Variants in HAT1 observed in about 807,000 individuals in gnomAD.
HAT1 encodes the protein histone acetyltransferase type B catalytic subunit.
Under a neutral mutation model 56.6 loss-of-function variants are expected in HAT1, and 20 were observed. The observed-to-expected ratio is 0.35, with a 90% CI of 0.25 to 0.51. The LOEUF (loss-of-function observed/expected upper bound fraction) is 0.51, where lower values mean the gene tolerates loss of function less well. Ranked by LOEUF, HAT1 falls within the 20% of genes least tolerant of loss-of-function variation. The pLI is 0.95. For synonymous variants in HAT1, 146 were observed against 165.5 expected, an observed-to-expected ratio of 0.88 and a Z score of 0.91; for missense variants, 408 against 504.3, an observed-to-expected ratio of 0.81 and a Z score of 1.83.
Position 171,983,684 on chromosome 2 carries a change from T to C in HAT1, c.*332T>C, listed in dbSNP as rs1433720006. 5.8e-6 allele frequency: 1 copy of C among 171,170 alleles called. No individual in the cohort carries two copies. The highest frequency in any genetic ancestry group is 1.2e-5 in the Non-Finnish European group (1 of 80,746). 10.6% of individuals were successfully genotyped at this position (171,170 alleles called of 1,614,324 possible). A position where few individuals can be genotyped will look rare whatever the true frequency, so the allele number is the denominator to read the frequency against. On this transcript the variant is annotated 3_prime_UTR_variant, in exon 11 of 11. Transcript: ENST00000264108. ...TACAATAAACCTCATTCTTAAATAC[T>C]TATCATTCCTTCCACACTTTGCTTC...
intron 1 of HAT1, chr2:171,924,411 G>C (rs940775066): frequency 6.6e-6 from 1 of 152,068 alleles, no homozygotes; most frequent in Non-Finnish European, 1.5e-5. Flanking sequence ...TGGCCAGGAT[G>C]ATATCCGTCT....
At chr2:171,965,542 T>G (rs1485287959) in intron 5 of HAT1, 25 bp downstream of exon 5, 3 of 1,390,208 alleles carry the variant, frequency 2.2e-6, no homozygotes, top group Admixed American at 4.2e-5. Flanking sequence ...AAATATTTAT[T>G]GAGTAAAGTT....
chr2:171,930,316 T>G (rs1686708881), intron 2 of HAT1, among the ~76,000 whole-genome samples: 1 of 152,128 alleles, frequency 6.6e-6, no homozygotes, highest in Non-Finnish European at 1.5e-5. Context: ...GGACTCCGCA[T>G]ACACCACCAT....
intron 9 of HAT1, among the ~76,000 whole-genome samples, chr2:171,977,916 C>G (rs1177520223): frequency 1.3e-5 from 2 of 152,028 alleles, no homozygotes; most frequent in Non-Finnish European, 2.9e-5. Context: ...CCTATCCATA[C>G]CCCAACTCCC....
intron 2 of HAT1, among the ~76,000 whole-genome samples, chr2:171,939,249 A>C (rs138748188): frequency 0.019 from 2,857 of 152,290 alleles, 58 homozygotes; most frequent in Admixed American, 0.068. Context: ...AAGTAAGAGG[A>C]CCCTGTGAGC....
chr2:171,971,723 A>C (rs1310269472), intron 8 of HAT1, among the ~76,000 whole-genome samples: 1 of 152,200 alleles, frequency 6.6e-6, no homozygotes, highest in Non-Finnish European at 1.5e-5. Flanking sequence ...ATTTATTTTT[A>C]AAACGATAAT....
rs143773497 is a variant in HAT1 at position 171,951,724 on chromosome 2, G to A, written c.189-1157G>A. ...GCTGGGATTACTGGTGTGAGCCACC[G>A]TGCCCAGACCAGTTAGTGCTTCTTA... On this transcript the variant is annotated intron_variant, in intron 3 of 10. Coordinates refer to ENST00000264108, the MANE Select transcript of HAT1 (RefSeq NM_003642.4). Among the ~76,000 whole-genome samples the A allele has an allele frequency of 4.6e-3, 695 of 151,706 alleles. 6 individuals are homozygous for A. The highest frequency in any genetic ancestry group is 0.016 in the African/African-American group (641 of 41,316).
In HAT1 at chr2:171,968,481, G is replaced by A. The variant is rs548307410; in HGVS notation, c.823+1532G>A. ...GTCTACTCCAACCAATAAAGTCCTT[G>A]ATACTTAGCACCAATTAGCAGATAA... On this transcript the variant is annotated intron_variant, in intron 8 of 10. Coordinates refer to ENST00000264108, the MANE Select transcript of HAT1 (RefSeq NM_003642.4). Among the ~76,000 whole-genome samples the A allele has an allele frequency of 5.3e-5, 8 of 152,220 alleles. No homozygotes were observed. The South Asian group carries it at 1.7e-3, about 32-fold the overall frequency.
intron 2 of HAT1, among the ~76,000 whole-genome samples, chr2:171,932,868 C>CA (rs1686780421): frequency 6.6e-6 from 1 of 151,996 alleles, no homozygotes; most frequent in Non-Finnish European, 1.5e-5. Flanking sequence ...GACGCTGTCT[C>CA]AAAAAATAAA....
intron 2 of HAT1, among the ~76,000 whole-genome samples, chr2:171,940,487 C>G (rs958337267): frequency 6.6e-6 from 1 of 152,208 alleles, no homozygotes; most frequent in East Asian, 1.9e-4. Context: ...CGACAAATGT[C>G]CTTAGCAGCA....
intron 2 of HAT1, among the ~76,000 whole-genome samples, chr2:171,943,930 T>C (rs1687092016): frequency 6.6e-6 from 1 of 151,974 alleles, no homozygotes; most frequent in Non-Finnish European, 1.5e-5. Flanking sequence ...GGAGGATGGC[T>C]TGAGCCCAGA....
chr2:171,972,269 G>A (rs1420361033), intron 8 of HAT1, among the ~76,000 whole-genome samples: 3 of 149,078 alleles, frequency 2.0e-5, no homozygotes, highest in Admixed American at 6.7e-5. Flanking sequence ...TTTTGGTGAG[G>A]TAGGGGTAGT....
chr2:171,965,147 C>T (rs578154780), intron 4 of HAT1, 191 bp from the exon 5 acceptor site: 3 of 540,196 alleles, frequency 5.6e-6, no homozygotes, highest in East Asian at 6.2e-5. Context: ...TTATATTATG[C>T]TCATCTCAGT....
intron 1 of HAT1, among the ~76,000 whole-genome samples, chr2:171,925,223 T>C (rs532850888): frequency 6.6e-6 from 1 of 151,730 alleles, no homozygotes; most frequent in Non-Finnish European, 1.5e-5. Context: ...CAGGCGCCCG[T>C]CACCGTGCCC....
intron 9 of HAT1, among the ~76,000 whole-genome samples, chr2:171,977,565 T>A (rs1410560977): frequency 0.019 from 857 of 45,232 alleles, 4 homozygotes; most frequent in Non-Finnish European, 0.023. Flanking sequence ...ATATTTTTTT[T>A]TTTTTTTTTT....
intron 2 of HAT1, among the ~76,000 whole-genome samples, chr2:171,937,371 C>T (rs1307492152): frequency 6.6e-6 from 1 of 152,022 alleles, no homozygotes; most frequent in Non-Finnish European, 1.5e-5. Context: ...GTGGTTTGTG[C>T]CTATAAAAAG....
At chr2:171,970,427 ACATACACACACACAGC>A (rs1470587168) in intron 8 of HAT1, among the ~76,000 whole-genome samples, 3 of 149,144 alleles carry the variant, frequency 2.0e-5, no homozygotes, top group African/African-American at 5.0e-5. Flanking sequence ...ATTCACACAC[ACATACACACACACAGC>A]CATACACACA....
chr2:171,978,254 AC>A (rs955655760), intron 9 of HAT1, among the ~76,000 whole-genome samples: 28 of 151,884 alleles, frequency 1.8e-4, no homozygotes, highest in African/African-American at 6.8e-4. Flanking sequence ...CAGGGTTCCT[AC>A]AGGCTGTTCT....
At chr2:171,951,280 G>T (rs1446274221) in intron 3 of HAT1, among the ~76,000 whole-genome samples, 1 of 151,990 alleles carries the variant, frequency 6.6e-6, no homozygotes. Flanking sequence ...TTTTAAATAG[G>T]TTTTACTTTA....
Sources: allele counts gnomAD v4.1 joint callset (sites outside exome capture counted in the v4.1 genomes callset), GRCh38; gene constraint gnomAD v4.1.1; transcripts MANE v1.5; gene names NCBI Gene and HGNC (gene_info 2026-07-23, HGNC 2026-07-21).